The following GALNTL6 variants were observed in gnomAD, a reference collection of about 807,000 sequenced individuals.
The protein encoded by GALNTL6 is polypeptide N-acetylgalactosaminyltransferase-like 6.
Under a neutral mutation model 73.7 loss-of-function variants are expected in GALNTL6, and 46 were observed. The ratio of observed to expected loss-of-function variants is 0.62; its 90% CI spans 0.49 to 0.80. The LOEUF (loss-of-function observed/expected upper bound fraction) is 0.80. Among genes scored for constraint, GALNTL6 ranks in the 30% least tolerant of loss-of-function variants. The probability of loss-of-function intolerance (pLI) is 0.00; values close to 1 mark genes in which losing one functional copy is unlikely to be tolerated. For synonymous variants in GALNTL6, 259 were observed against 263.7 expected, an observed-to-expected ratio of 0.98 and a Z score of 0.17; for missense variants, 604 against 755.0, an observed-to-expected ratio of 0.80 and a Z score of 2.34.
intron 10 of GALNTL6, 82 bp from the exon 11 acceptor site, chr4:173,009,096 C>T (rs890887969): frequency 2.3e-6 from 2 of 886,064 alleles, no homozygotes; most frequent in East Asian, 4.9e-5. Context: ...CTATGTCTTA[C>T]TTAATCTACA....
intron 7 of GALNTL6, among the ~76,000 whole-genome samples, chr4:172,870,422 C>T (rs770606651): frequency 5.3e-5 from 8 of 151,996 alleles, no homozygotes; most frequent in Non-Finnish European, 7.4e-5. Context: ...TTTTTGTTAC[C>T]GGTGAGTTTA....
chr4:171,829,899 A>G (rs1002525173), intron 2 of GALNTL6, among the ~76,000 whole-genome samples: 3 of 152,090 alleles, frequency 2.0e-5, no homozygotes, highest in Non-Finnish European at 4.4e-5. Context: ...TGAAGATCTT[A>G]AAATGCAGAG....
chr4:172,348,035 C>T (rs532809389), intron 4 of GALNTL6, among the ~76,000 whole-genome samples: 1 of 152,184 alleles, frequency 6.6e-6, no homozygotes, highest in South Asian at 2.1e-4. Context: ...TGTTTAGAAG[C>T]TACAGTTGTT....
chr4:172,764,099 C>T (rs1738267150), intron 5 of GALNTL6, among the ~76,000 whole-genome samples: 1 of 152,206 alleles, frequency 6.6e-6, no homozygotes, highest in Non-Finnish European at 1.5e-5. Flanking sequence ...GCTGGGATTA[C>T]AGGCATGCGC....
Position 172,425,677 on chromosome 4 carries a change from A to G in GALNTL6, c.553+76988A>G, listed in dbSNP as rs78190027. Among the ~76,000 whole-genome samples, 706 of 152,184 alleles carry G rather than the reference A, an allele frequency of 4.6e-3. 7 individuals carry two copies. Among genetic ancestry groups the G allele is most frequent in the African/African-American group, 0.015 (641 of 41,556 alleles). ...TGTGGAATATTATAGAGAAATGAAA[A>G]TTGGTATGGCAAATAAGTTTAGGGA... On this transcript the variant is annotated intron_variant, in intron 5 of 12. Transcript: ENST00000506823.
At chr4:171,913,746 GTGGTAATGAAAACTT>G (rs1394575854) in intron 2 of GALNTL6, among the ~76,000 whole-genome samples, 1 of 152,084 alleles carries the variant, frequency 6.6e-6, no homozygotes, top group African/African-American at 2.4e-5. Context: ...GAGAAATTAG[GTGGTAATGAAAACTT>G]TACATTTCTA....
chr4:172,789,796 A>C (rs923230574), intron 5 of GALNTL6, among the ~76,000 whole-genome samples: 1 of 152,250 alleles, frequency 6.6e-6, no homozygotes, highest in South Asian at 2.1e-4. Flanking sequence ...GGAAGATTAG[A>C]GTCCTGCCTT....
chr4:171,879,054 T>A (rs909090279), intron 2 of GALNTL6, among the ~76,000 whole-genome samples: 10 of 152,312 alleles, frequency 6.6e-5, no homozygotes, highest in African/African-American at 2.4e-4. Flanking sequence ...CTTTTCTTTA[T>A]AATTTTCTGA....
chr4:172,567,713 G>A (rs1204217063), intron 5 of GALNTL6, among the ~76,000 whole-genome samples: 12 of 152,104 alleles, frequency 7.9e-5, no homozygotes, highest in Non-Finnish European at 1.2e-4. Flanking sequence ...GCAGGTGCCT[G>A]TAATCCCAGC....
intron 2 of GALNTL6, among the ~76,000 whole-genome samples, chr4:172,208,930 A>T (rs551716786): frequency 6.6e-6 from 1 of 152,158 alleles, no homozygotes; most frequent in Non-Finnish European, 1.5e-5. Context: ...GGCAAAAATT[A>T]TAGGAAAACA....
intron 5 of GALNTL6, among the ~76,000 whole-genome samples, chr4:172,788,165 G>A (rs926090549): frequency 6.7e-6 from 1 of 149,558 alleles, no homozygotes; most frequent in Non-Finnish European, 1.5e-5. Context: ...GGGCAACACA[G>A]TGAGACCCTG....
rs140749882 is a variant in GALNTL6, at chr4:172,271,427, A to G, written c.248-40187A>G. Among the ~76,000 whole-genome samples the G allele has an allele frequency of 3.6e-3, 541 of 152,300 alleles. 4 individuals carry two copies. Among genetic ancestry groups the G allele is most frequent in the Middle Eastern group, 6.8e-3 (2 of 294 alleles). On this transcript the variant is annotated intron_variant, in intron 3 of 12. Coordinates refer to ENST00000506823, the MANE Select transcript of GALNTL6 (RefSeq NM_001034845.3). ...TGGATATGTACACACATATATACAA[A>G]CATGCATACATATACATACATATAT...
At chr4:172,787,420 A>G (rs1739722645) in intron 5 of GALNTL6, among the ~76,000 whole-genome samples, 1 of 152,234 alleles carries the variant, frequency 6.6e-6, no homozygotes, top group Non-Finnish European at 1.5e-5. Flanking sequence ...AATAAAGCTT[A>G]GTGATGTCAC....
At chr4:172,444,107 G>A (rs1018514299) in intron 5 of GALNTL6, among the ~76,000 whole-genome samples, 1 of 152,206 alleles carries the variant, frequency 6.6e-6, no homozygotes, top group African/African-American at 2.4e-5. Flanking sequence ...GAGAGAAAGA[G>A]ATTAGTCTGG....
intron 2 of GALNTL6, among the ~76,000 whole-genome samples, chr4:171,889,500 C>T (rs1161765670): frequency 1.3e-5 from 2 of 151,998 alleles, no homozygotes; most frequent in Non-Finnish European, 2.9e-5. Flanking sequence ...TATATCAAAT[C>T]AATCTAGGCT....
At chr4:172,342,788 GACTCTATTCCTTCTGTACAATATGA>G (rs1259319868) in intron 4 of GALNTL6, among the ~76,000 whole-genome samples, 2 of 152,192 alleles carry the variant, frequency 1.3e-5, no homozygotes, top group African/African-American at 4.8e-5. Context: ...AAATGTTTCT[GACTCTATTCCTTCTGTACAATATGA>G]GACTGCACAT....
chr4:171,946,004 T>C lies in GALNTL6; in HGVS notation c.138+131286T>C, dbSNP rs892683089. On this transcript the variant is annotated intron_variant, in intron 2 of 12. Coordinates refer to ENST00000506823, the MANE Select transcript of GALNTL6 (RefSeq NM_001034845.3). ...CTTATAAAGAGCTTACTGAAAAAAA[T>C]CAAGCAAATTTGTGCATGGCTTTTT... 1.1e-4 allele frequency among the ~76,000 whole-genome samples: 17 copies of C among 152,166 alleles called. 1 individual carries two copies. Among genetic ancestry groups the C allele is most frequent in the South Asian group, 4.1e-4 (2 of 4,826 alleles).
At chr4:172,561,474 G>A (rs1294394505) in intron 5 of GALNTL6, among the ~76,000 whole-genome samples, 1 of 151,892 alleles carries the variant, frequency 6.6e-6, no homozygotes, top group African/African-American at 2.4e-5. Context: ...ACATTTCTTA[G>A]GCAATACCTG....
intron 2 of GALNTL6, among the ~76,000 whole-genome samples, chr4:171,908,462 A>G (rs1033535077): frequency 6.6e-6 from 1 of 152,178 alleles, no homozygotes; most frequent in Non-Finnish European, 1.5e-5. Flanking sequence ...ATCTCACACC[A>G]GTTAGAATGG....
Sources: allele counts gnomAD v4.1 joint callset (sites outside exome capture counted in the v4.1 genomes callset), GRCh38; gene constraint gnomAD v4.1.1; transcripts MANE v1.5; gene names NCBI Gene and HGNC (gene_info 2026-07-23, HGNC 2026-07-21).